POR: variants seen among roughly 807,000 people sequenced by gnomAD.
POR encodes the protein NADPH--cytochrome P450 reductase.
POR carries 56 observed loss-of-function variants against 84.0 expected under a neutral mutation model. The observed-to-expected ratio is 0.67, with a 90% CI of 0.54 to 0.83. POR has a LOEUF of 0.83. Ranked by LOEUF, POR falls within the 40% of genes least tolerant of loss-of-function variation. The pLI is 0.00. For synonymous variants in POR, 414 were observed against 400.5 expected (o/e 1.03, Z -0.40); for missense variants, 938 against 944.3 (o/e 0.99, Z 0.09).
At chr7:75,930,254 C>T (rs1554550002) in intron 1 of POR, among the ~76,000 whole-genome samples, 1 of 152,120 alleles carries the variant, frequency 6.6e-6, no homozygotes, top group African/African-American at 2.4e-5. Flanking sequence ...CTAGGCAGGC[C>T]TTTCTCTCTT....
intron 1 of POR, 29 bp from the exon 2 acceptor site, chr7:75,953,960 T>C: frequency 6.5e-7 from 1 of 1,528,326 alleles, no homozygotes; most frequent in Admixed American, 2.0e-5. Flanking sequence ...TACCCTCTGC[T>C]GACATCTGCT....
intron 2 of POR, among the ~76,000 whole-genome samples, chr7:75,971,302 G>A (rs541064555): frequency 6.6e-6 from 1 of 152,160 alleles, no homozygotes; most frequent in Admixed American, 6.6e-5. Flanking sequence ...TTCATCTTCA[G>A]GTTTGTCACT....
At chr7:75,980,262 C>T in intron 4 of POR, 77 bp from the exon 5 acceptor site, 1 of 1,535,890 alleles carries the variant, frequency 6.5e-7, no homozygotes, top group Non-Finnish European at 8.8e-7. Flanking sequence ...AGGACCTGGC[C>T]TTCCCCATCT....
In POR at chr7:75,982,215, C is replaced by A; in HGVS notation, c.732-9C>A. 1 of 1,605,180 alleles carries A rather than the reference C, an allele frequency of 6.2e-7. No individual in the cohort carries two copies. Among genetic ancestry groups the A allele is most frequent in the Non-Finnish European group, 8.5e-7 (1 of 1,176,068 alleles). ...CTTCCCGGCCTCACCCTTGGTCTCC[C>A]CTTTCCAGCATTCGCCAGTACGAGC... On this transcript the variant is annotated splice_polypyrimidine_tract_variant and intron_variant, in intron 7 of 15. Transcript: ENST00000461988.
chr7:75,976,661 C>T (rs753923658), intron 3 of POR, among the ~76,000 whole-genome samples: 37 of 151,640 alleles, frequency 2.4e-4, no homozygotes, highest in Non-Finnish European at 4.6e-4. Context: ...GCAGGAAAAT[C>T]GCTTGAACCC....
chr7:75,969,803 T>C (rs1339526951), intron 2 of POR, among the ~76,000 whole-genome samples: 1 of 152,220 alleles, frequency 6.6e-6, no homozygotes, highest in Non-Finnish European at 1.5e-5. Context: ...CACGGCGTCC[T>C]GTGCCGTGTG....
At chr7:75,920,886 C>T (rs182659163) in intron 1 of POR, among the ~76,000 whole-genome samples, 259 of 152,200 alleles carry the variant, frequency 1.7e-3, no homozygotes, top group African/African-American at 5.9e-3. Context: ...CAGTGGTGCC[C>T]GGCATCATTC....
Position 75,986,675 on chromosome 7 carries a change from A to G in POR, c.*194A>G, listed in dbSNP as rs1789496374. The G allele has an allele frequency of 1.4e-6, 1 of 692,526 alleles. No individual in the cohort carries two copies. The highest frequency in any genetic ancestry group is 2.4e-6 in the Non-Finnish European group (1 of 421,582). 42.9% of individuals were successfully genotyped at this position (692,526 alleles called of 1,614,324 possible). A position where few individuals can be genotyped will look rare whatever the true frequency, so the allele number is the denominator to read the frequency against. On this transcript the variant is annotated 3_prime_UTR_variant, in exon 16 of 16. Coordinates refer to ENST00000461988, the MANE Select transcript of POR (RefSeq NM_000941.3). ...GAGGTCCACCGGCCCCTGGCAGCAC[A>G]GCCCAGGGCCTGCATGGGGGCACCG...
rs577505480 is a variant in POR, at chr7:75,923,350, A to G, written c.-5+8171A>G. The G allele has an allele frequency of 4.8e-6, 4 of 838,732 alleles. No individual in the cohort carries two copies. The East Asian group carries it at 7.3e-5, about 15-fold the overall frequency. The allele number at this position is 838,732 out of a possible 1,614,324, so 52.0% of individuals were successfully genotyped here. ...CCTTTCCACCTCTCAGTGGACTGTC[A>G]TGCTACCAAAAATAGTGGACTTTCT... On this transcript the variant is annotated intron_variant, in intron 1 of 15. Transcript: ENST00000461988.
rs781892016 is a variant in POR at position 75,986,478 on chromosome 7, C to T, written c.2040C>T (p.Ser680=). 14 of 1,608,624 alleles carry T rather than the reference C, an allele frequency of 8.7e-6. No homozygotes were observed. In the Middle Eastern group the frequency reaches 5.2e-4, roughly 60 times the overall value. ...GCCGCTACTCCCTGGACGTGTGGAG[C>T]TAGGGGCCTGCCTGCCCCACCCACC... The change falls in exon 16 of 16, where the codon AGC becomes AGT. Residue 680 remains serine, a synonymous_variant. Transcript: ENST00000461988.
chr7:75,951,098 AAAAAGCCAAGTT>A (rs1338807246), intron 1 of POR, among the ~76,000 whole-genome samples: 5 of 113,510 alleles, frequency 4.4e-5, no homozygotes, highest in Non-Finnish European at 8.9e-5. Flanking sequence ...AGTCATATCA[AAAAAGCCAAGTT>A]GAGGCCAGGC....
At position 75,986,168 on chromosome 7, in the gene POR, C is replaced by T. The variant is rs782261248; in HGVS notation, c.1825C>T (p.Gln609Ter). Residue 609 changes from glutamine (Q) to a stop codon, truncating the protein, a stop_gained, in exon 15 of 16, where the codon CAG (glutamine) becomes TAG (stop). Coordinates refer to ENST00000461988, the MANE Select transcript of POR (RefSeq NM_000941.3). LOFTEE classifies it high-confidence loss of function. Reference sequence around the variant, plus strand: ...CCACCCTTGGCCCCAGGTCTACGTCCAGCACCTGCTAAAGCAAGACCGAGA... The same window carrying T: ...CCACCCTTGGCCCCAGGTCTACGTCTAGCACCTGCTAAAGCAAGACCGAGA... 17 of 1,611,300 alleles carry T rather than the reference C, an allele frequency of 1.1e-5. No homozygotes were observed. The highest frequency in any genetic ancestry group is 1.2e-5 in the Non-Finnish European group (14 of 1,179,282).
intron 4 of POR, 30 bp from the exon 5 acceptor site, chr7:75,980,309 C>A (rs571790757): frequency 6.2e-6 from 10 of 1,602,252 alleles, no homozygotes; most frequent in Non-Finnish European, 5.1e-6. Context: ...CAGTCATGGC[C>A]GGGGCGCGGT....
chr7:75,984,900 C>T lies in POR; in HGVS notation c.1190C>T (p.Ser397Leu), dbSNP rs200249978. 78 of 1,610,938 alleles carry T rather than the reference C, an allele frequency of 4.8e-5. No individual in the cohort carries two copies. In the Middle Eastern group the frequency reaches 6.6e-4, roughly 14 times the overall value. ...CTGTACGAGCTGGCGCAGTACGCCTCGGAGCCCTCGGAGCAGGAGCTGCTG... is the reference window on the plus strand; with the variant it reads ...CTGTACGAGCTGGCGCAGTACGCCTTGGAGCCCTCGGAGCAGGAGCTGCTG... The change falls in exon 11 of 16, where the codon TCG (serine) becomes TTG (leucine). Residue 397 changes from serine (S) to leucine (L), a missense_variant. By Grantham distance (145) the Ser-to-Leu change is moderately radical. Coordinates refer to ENST00000461988, the MANE Select transcript of POR (RefSeq NM_000941.3).
chr7:75,970,332 C>T (rs1045983639), intron 2 of POR, among the ~76,000 whole-genome samples: 39 of 151,674 alleles, frequency 2.6e-4, no homozygotes, highest in Admixed American at 4.6e-4. Flanking sequence ...CTCTGTCTCC[C>T]GGGCTGGAAC....
In POR at chr7:75,979,662, G is replaced by A; in HGVS notation, c.366+83G>A. 5.8e-6 allele frequency: 9 copies of A among 1,561,494 alleles called. No individual in the cohort carries two copies. In the South Asian group the frequency reaches 1.0e-4, roughly 18 times the overall value. The stretch of plus-strand genomic sequence containing the variant: ...GTCTGTAGGGCGCCCCTCAGCAGGG[G>A]GAGGCCGGCAGGGAGTGGGGTCCTG... On this transcript the variant is annotated intron_variant, in intron 4 of 15. Transcript: ENST00000461988.
Position 75,929,550 on chromosome 7 carries a change from G to A in POR, c.-5+14371G>A, listed in dbSNP as rs114950812. ...ATAACAGGTGTGAGCCACCGCGCCC[G>A]GCCTCAATACACATGTGATTGCCTT... On this transcript the variant is annotated intron_variant, in intron 1 of 15. Transcript: ENST00000461988. Among the ~76,000 whole-genome samples the A allele has an allele frequency of 5.2e-3, 784 of 152,228 alleles. 7 individuals carry two copies. Among genetic ancestry groups the A allele is most frequent in the African/African-American group, 0.018 (748 of 41,540 alleles).
intron 2 of POR, among the ~76,000 whole-genome samples, chr7:75,960,783 G>A (rs1055474840): frequency 6.6e-6 from 1 of 152,196 alleles, no homozygotes; most frequent in Non-Finnish European, 1.5e-5. Context: ...GTGCGGGGCC[G>A]CCTGTCGGAG....
intron 1 of POR, among the ~76,000 whole-genome samples, chr7:75,936,734 T>C (rs1807704160): frequency 6.6e-6 from 1 of 151,892 alleles, no homozygotes; most frequent in African/African-American, 2.4e-5. Context: ...GCCCCTGCGC[T>C]GGAGGCAGAA....
Sources: gnomAD v4.1 joint callset for allele counts (sites outside exome capture counted in the v4.1 genomes callset) on GRCh38, gnomAD v4.1.1 for gene constraint, MANE v1.5 for transcripts, NCBI Gene and HGNC (gene_info 2026-07-23, HGNC 2026-07-21) for gene names.